The following CDH12 variants were observed in gnomAD, a reference collection of about 807,000 sequenced individuals.
CDH12 encodes the protein cadherin 12.
CDH12 carries 41 observed loss-of-function variants against 74.1 expected under a neutral mutation model. That is an observed-to-expected ratio of 0.55 (90% CI 0.43 to 0.72). The LOEUF (loss-of-function observed/expected upper bound fraction) is 0.72, where lower values mean the gene tolerates loss of function less well. Ranked by LOEUF, CDH12 falls within the 30% of genes least tolerant of loss-of-function variation. The probability of loss-of-function intolerance (pLI) is 0.00; values close to 1 mark genes in which losing one functional copy is unlikely to be tolerated. For synonymous variants in CDH12, 399 were observed against 355.0 expected (o/e 1.12, Z -1.39); for missense variants, 945 against 977.2 (o/e 0.97, Z 0.44).
rs142600789 is a variant in CDH12 at position 21,899,668 on chromosome 5, A to G, written c.527-44878T>C. Among the ~76,000 whole-genome samples, 663 of 150,924 alleles carry G rather than the reference A, an allele frequency of 4.4e-3. 9 individuals are homozygous for G. Among genetic ancestry groups the G allele is most frequent in the African/African-American group, 0.016 (647 of 41,360 alleles). Reference sequence around the variant, plus strand: ...ATTGTCTTGGCAAAGATATTTATAAAGAAATGTATAGAGGATTAACCTATA... The same window carrying G: ...ATTGTCTTGGCAAAGATATTTATAAGGAAATGTATAGAGGATTAACCTATA... On this transcript the variant is annotated intron_variant, in intron 6 of 14. Transcript: ENST00000382254.
intron 2 of CDH12, among the ~76,000 whole-genome samples, chr5:22,472,701 C>G (rs542357961): frequency 6.6e-6 from 1 of 151,916 alleles, no homozygotes; most frequent in Admixed American, 6.6e-5. Flanking sequence ...TCTATTGAAC[C>G]CTTGTAACTT....
chr5:22,838,738 G>C (rs1459059252), intron 1 of CDH12, among the ~76,000 whole-genome samples: 1 of 151,414 alleles, frequency 6.6e-6, no homozygotes, highest in Non-Finnish European at 1.5e-5. Context: ...GCAGTGGCAT[G>C]ATCTTGGCTC....
chr5:22,611,802 C>T (rs1426154664), intron 1 of CDH12, among the ~76,000 whole-genome samples: 1 of 152,068 alleles, frequency 6.6e-6, no homozygotes, highest in Non-Finnish European at 1.5e-5. Flanking sequence ...GTTGGTTTAG[C>T]TCAGCCTTCA....
At chr5:22,184,207 A>G (rs1311773506) in intron 4 of CDH12, among the ~76,000 whole-genome samples, 2 of 152,090 alleles carry the variant, frequency 1.3e-5, no homozygotes. Flanking sequence ...AATAAATCCA[A>G]AGTTTTTGGC....
intron 10 of CDH12, among the ~76,000 whole-genome samples, chr5:21,784,394 T>A (rs1157964023): frequency 6.6e-6 from 1 of 152,054 alleles, no homozygotes; most frequent in East Asian, 1.9e-4. Context: ...GTCTGCAGAA[T>A]AGTATTATTA....
chr5:22,605,865 A>G (rs188315243), intron 1 of CDH12, among the ~76,000 whole-genome samples: 1 of 152,338 alleles, frequency 6.6e-6, no homozygotes. Context: ...GTCCTTGTGC[A>G]GGCAAGCATT....
intron 6 of CDH12, among the ~76,000 whole-genome samples, chr5:21,894,686 T>C (rs139122318): frequency 4.3e-4 from 66 of 152,298 alleles, no homozygotes; most frequent in African/African-American, 1.6e-3. Context: ...TACCCCTTTT[T>C]TGAATTTAGT....
At chr5:22,308,127 A>T (rs1425569553) in intron 3 of CDH12, among the ~76,000 whole-genome samples, 1 of 151,532 alleles carries the variant, frequency 6.6e-6, no homozygotes, top group Non-Finnish European at 1.5e-5. Context: ...TGATCTGCCC[A>T]CCTCGGCCTC....
At chr5:22,065,461 T>C (rs1227460680) in intron 5 of CDH12, among the ~76,000 whole-genome samples, 1 of 152,212 alleles carries the variant, frequency 6.6e-6, no homozygotes, top group Non-Finnish European at 1.5e-5. Flanking sequence ...TTTGTTTGTT[T>C]GGCTGAAACA....
At chr5:22,322,306 G>A (rs780509754) in intron 3 of CDH12, among the ~76,000 whole-genome samples, 2 of 151,298 alleles carry the variant, frequency 1.3e-5, no homozygotes, top group Non-Finnish European at 2.9e-5. Context: ...ATCAGAAGCA[G>A]CAGAAAAGTC....
At chr5:22,701,811 C>A (rs2126960498) in intron 1 of CDH12, among the ~76,000 whole-genome samples, 1 of 152,308 alleles carries the variant, frequency 6.6e-6, no homozygotes, top group African/African-American at 2.4e-5. Flanking sequence ...ACCCACCCAA[C>A]TTTGTAAATG....
rs115994371 is a variant in CDH12, at chr5:22,116,237, A to T, written c.-186-37375T>A. Among the ~76,000 whole-genome samples the T allele has an allele frequency of 6.8e-3, 1,037 of 152,286 alleles. 11 individuals carry two copies. The highest frequency in any genetic ancestry group is 0.024 in the African/African-American group (984 of 41,552). ...GGGAAAAGTTAGAGAGGTTCAAAAC[A>T]TAAAGACACTACAGGCCATTGTTGG... On this transcript the variant is annotated intron_variant, in intron 4 of 14. Transcript: ENST00000382254.
chr5:21,915,948 T>C (rs1754072657), intron 6 of CDH12, among the ~76,000 whole-genome samples: 1 of 61,732 alleles, frequency 1.6e-5, no homozygotes. Context: ...AACAAGGCCT[T>C]CATACTTTTA....
At chr5:22,682,095 A>C (rs889203165) in intron 1 of CDH12, among the ~76,000 whole-genome samples, 2 of 152,108 alleles carry the variant, frequency 1.3e-5, no homozygotes, top group African/African-American at 4.8e-5. Context: ...TCAATAGTTC[A>C]CTGAACCTGA....
chr5:22,602,787 C>T (rs917652961), intron 1 of CDH12, among the ~76,000 whole-genome samples: 6 of 152,044 alleles, frequency 3.9e-5, no homozygotes, highest in African/African-American at 4.8e-5. Context: ...TTTTGTGATG[C>T]CAGTTCCTTT....
intron 1 of CDH12, among the ~76,000 whole-genome samples, chr5:22,526,585 G>T (rs1355700309): frequency 1.3e-5 from 2 of 152,126 alleles, no homozygotes; most frequent in African/African-American, 4.8e-5. Context: ...ATCTGGTGCG[G>T]CAGCTGCAAT....
chr5:22,072,982 A>G (rs1420961716), intron 5 of CDH12, among the ~76,000 whole-genome samples: 2 of 152,056 alleles, frequency 1.3e-5, no homozygotes, highest in Non-Finnish European at 2.9e-5. Context: ...CAGTTTTCTG[A>G]TATGTAAAAT....
chr5:22,420,077 C>G (rs980106297), intron 2 of CDH12, among the ~76,000 whole-genome samples: 16 of 151,846 alleles, frequency 1.1e-4, no homozygotes, highest in South Asian at 2.1e-4. Flanking sequence ...GATATCAAAC[C>G]TTTGTCAGAT....
intron 6 of CDH12, among the ~76,000 whole-genome samples, chr5:21,952,543 C>T (rs6452040): frequency 0.3 from 45,074 of 152,014 alleles, 10,893 homozygotes; most frequent in African/African-American, 0.67. Flanking sequence ...GTATTCTTTC[C>T]TTCTGTGACA....
Sources: gnomAD v4.1 joint callset for allele counts (sites outside exome capture counted in the v4.1 genomes callset) on GRCh38, gnomAD v4.1.1 for gene constraint, MANE v1.5 for transcripts, NCBI Gene and HGNC (gene_info 2026-07-23, HGNC 2026-07-21) for gene names.